The following LRRC49 variants were observed in gnomAD, a reference collection of about 807,000 sequenced individuals.
The protein encoded by LRRC49 is leucine-rich repeat-containing protein 49.
In LRRC49, 50 loss-of-function variants were observed where a neutral mutation model predicts 83.3. That is an observed-to-expected ratio of 0.60 (90% CI 0.48 to 0.76). The LOEUF (loss-of-function observed/expected upper bound fraction) is 0.76. LRRC49 is among the 30% of genes least tolerant of loss of function. The pLI is 0.00. For synonymous variants in LRRC49, 286 were observed against 283.3 expected (o/e 1.01, Z -0.10); for missense variants, 704 against 809.1 (o/e 0.87, Z 1.58).
intron 7 of LRRC49, among the ~76,000 whole-genome samples, chr15:70,935,761 A>G (rs2035571610): frequency 6.6e-6 from 1 of 152,164 alleles, no homozygotes; most frequent in Non-Finnish European, 1.5e-5. Context: ...AGTATGTAAC[A>G]CTTTGAGGAT....
At chr15:71,035,231 G>A (rs1006044435) in intron 14 of LRRC49, among the ~76,000 whole-genome samples, 2 of 151,958 alleles carry the variant, frequency 1.3e-5, no homozygotes, top group Non-Finnish European at 2.9e-5. Context: ...ATAGCATTAA[G>A]TGAAAACAGT....
chr15:70,894,858 AAT>A (rs1185461960), intron 2 of LRRC49: 1 of 199,736 alleles, frequency 5.0e-6, no homozygotes, highest in Admixed American at 5.6e-5. Context: ...ACACTCAGAA[AAT>A]AGACAATTTG....
chr15:70,926,898 C>A (rs1415740319), intron 7 of LRRC49, among the ~76,000 whole-genome samples: 1 of 152,170 alleles, frequency 6.6e-6, no homozygotes, highest in Admixed American at 6.5e-5. Context: ...AAAAAACAAA[C>A]AACCCCACCA....
intron 2 of LRRC49, chr15:70,882,714 C>A (rs774668883): frequency 3.7e-6 from 6 of 1,609,948 alleles, no homozygotes; most frequent in Admixed American, 1.7e-5. Flanking sequence ...CTTTAATATA[C>A]GAAAGATCAA....
At chr15:70,880,064 C>T (rs1017556632) in intron 2 of LRRC49, among the ~76,000 whole-genome samples, 6 of 152,172 alleles carry the variant, frequency 3.9e-5, no homozygotes, top group African/African-American at 1.4e-4. Flanking sequence ...TCTAGCCACC[C>T]TAGTCTTCTT....
At chr15:70,996,723 T>TA (rs1316239321) in intron 11 of LRRC49, among the ~76,000 whole-genome samples, 1 of 152,204 alleles carries the variant, frequency 6.6e-6, no homozygotes, top group East Asian at 1.9e-4. Context: ...TCATCCACTA[T>TA]AGGCAATAGG....
At chr15:70,972,309 G>T (rs1242246837) in intron 9 of LRRC49, among the ~76,000 whole-genome samples, 2 of 152,092 alleles carry the variant, frequency 1.3e-5, no homozygotes, top group Non-Finnish European at 2.9e-5. Flanking sequence ...TTGAATATTG[G>T]CCCCCACTCT....
chr15:70,882,740 C>T lies in LRRC49; in HGVS notation c.18+9517C>T, dbSNP rs200649526. ...GAAAGATCAATTCAATTGCTTAATC[C>T]ATTGAAGAGTCAAAACATACCCACA... On this transcript the variant is annotated intron_variant, in intron 2 of 16. Transcript: ENST00000544974. 4.5e-4 allele frequency: 727 copies of T among 1,613,546 alleles called. 9 individuals carry two copies. The South Asian group carries it at 7.2e-3, about 16-fold the overall frequency.
chr15:70,934,290 G>A (rs2035522753), intron 7 of LRRC49, among the ~76,000 whole-genome samples: 1 of 152,096 alleles, frequency 6.6e-6, no homozygotes, highest in African/African-American at 2.4e-5. Context: ...CTAGAATTTT[G>A]TTACAAAAGT....
At chr15:70,976,470 C>T (rs1278408435) in intron 9 of LRRC49, among the ~76,000 whole-genome samples, 3 of 152,248 alleles carry the variant, frequency 2.0e-5, no homozygotes, top group Admixed American at 6.5e-5. Context: ...TAAAATGCTG[C>T]CTATATTAGG....
intron 11 of LRRC49, among the ~76,000 whole-genome samples, chr15:70,999,343 A>G (rs1257769005): frequency 6.6e-6 from 1 of 151,006 alleles, no homozygotes; most frequent in Non-Finnish European, 1.5e-5. Context: ...GTTGTCTTCT[A>G]TTTTTTTAAT....
At chr15:70,948,868 G>A (rs2036109442) in intron 8 of LRRC49, among the ~76,000 whole-genome samples, 1 of 152,180 alleles carries the variant, frequency 6.6e-6, no homozygotes, top group African/African-American at 2.4e-5. Flanking sequence ...ATGTGTGTAT[G>A]TGTGTATTTA....
intron 7 of LRRC49, among the ~76,000 whole-genome samples, chr15:70,926,917 G>A (rs1041464604): frequency 1.3e-5 from 2 of 152,134 alleles, no homozygotes; most frequent in Non-Finnish European, 2.9e-5. Flanking sequence ...CAAAAATTGG[G>A]CAAAGGATAT....
intron 14 of LRRC49, among the ~76,000 whole-genome samples, chr15:71,021,059 A>C (rs1020527788): frequency 7.9e-5 from 12 of 151,530 alleles, no homozygotes; most frequent in Admixed American, 4.6e-4. Flanking sequence ...AAAAATCACA[A>C]AAAAAAAATC....
At chr15:71,014,779 T>G (rs1433930549) in intron 14 of LRRC49, among the ~76,000 whole-genome samples, 1 of 152,186 alleles carries the variant, frequency 6.6e-6, no homozygotes, top group African/African-American at 2.4e-5. Context: ...ATTTTTCAGT[T>G]ATTATAATAG....
intron 1 of LRRC49, 130 bp from the exon 2 acceptor site, chr15:70,893,454 T>C (rs2955036): frequency 0.44 from 294,363 of 665,712 alleles, 67,586 homozygotes; most frequent in East Asian, 0.61. Context: ...AACAAGATCA[T>C]TTACCAGAAA....
At chr15:70,863,388 C>T (rs1296385681) in intron 1 of LRRC49, among the ~76,000 whole-genome samples, 1 of 152,218 alleles carries the variant, frequency 6.6e-6, no homozygotes, top group Non-Finnish European at 1.5e-5. Context: ...ACATGCCAGG[C>T]CCATGCCACC....
intron 9 of LRRC49, among the ~76,000 whole-genome samples, chr15:70,976,014 A>G (rs1489232623): frequency 6.6e-6 from 1 of 152,196 alleles, no homozygotes; most frequent in Non-Finnish European, 1.5e-5. Flanking sequence ...GCGGAAGCCT[A>G]TATAAAGTTG....
At chr15:70,983,398 A>G (rs950881115) in intron 10 of LRRC49, among the ~76,000 whole-genome samples, 2 of 152,088 alleles carry the variant, frequency 1.3e-5, no homozygotes, top group African/African-American at 4.8e-5. Flanking sequence ...TAAATCAGCA[A>G]TCTGTTATAA....
Sources: gnomAD v4.1 joint callset for allele counts (sites outside exome capture counted in the v4.1 genomes callset) on GRCh38, gnomAD v4.1.1 for gene constraint, MANE v1.5 for transcripts, NCBI Gene and HGNC (gene_info 2026-07-23, HGNC 2026-07-21) for gene names.